The following LRRC28 variants were observed in gnomAD, a reference collection of about 807,000 sequenced individuals.
The protein encoded by LRRC28 is leucine-rich repeat-containing protein 28.
Under a neutral mutation model 45.7 loss-of-function variants are expected in LRRC28, and 39 were observed. The observed-to-expected ratio is 0.85, with a 90% CI of 0.66 to 1.12. LRRC28 has a LOEUF of 1.12. LRRC28 is among the 50% of genes most tolerant of loss of function. The pLI is 0.00. For missense variants in LRRC28, 435 were observed against 438.5 expected (o/e 0.99, Z 0.07); for synonymous variants, 206 against 178.8 (o/e 1.15, Z -1.22).
At chr15:99,277,376 C>G (rs188014496) in intron 3 of LRRC28, among the ~76,000 whole-genome samples, 12 of 152,006 alleles carry the variant, frequency 7.9e-5, no homozygotes, top group East Asian at 3.9e-4. Flanking sequence ...ACCCGTAAAC[C>G]CTTCACCTAA....
intron 2 of LRRC28, among the ~76,000 whole-genome samples, chr15:99,271,905 T>C (rs2081491706): frequency 6.6e-6 from 1 of 152,204 alleles, no homozygotes; most frequent in South Asian, 2.1e-4. Flanking sequence ...GGCCAGTGTA[T>C]CTATTTTTCT....
At chr15:99,293,884 T>C (rs1242953938) in intron 5 of LRRC28, among the ~76,000 whole-genome samples, 3 of 152,116 alleles carry the variant, frequency 2.0e-5, no homozygotes, top group African/African-American at 7.2e-5. Flanking sequence ...GGCAGTGAAC[T>C]ATCTCAGTTT....
At position 99,361,456 on chromosome 15, in the gene LRRC28, T is replaced by C. The variant is rs747317476; in HGVS notation, c.816T>C (p.Pro272=). The C allele has an allele frequency of 2.5e-6, 4 of 1,613,696 alleles. No individual in the cohort carries two copies. In the East Asian group the frequency reaches 8.9e-5, roughly 36 times the overall value. ...AIGTEHDHVL[P]LQELAMRGLY... ...GGACGGAGCATGATCACGTCCTCCC[T>C]CTGCAGGAATTGGCTATGAGAGGGC... Residue 272 remains proline (P), a synonymous_variant, in exon 8 of 10, where the codon CCT becomes CCC. Transcript: ENST00000301981.
At chr15:99,301,298 A>G (rs74033458) in intron 5 of LRRC28, among the ~76,000 whole-genome samples, 2 of 152,168 alleles carry the variant, frequency 1.3e-5, no homozygotes, top group Non-Finnish European at 2.9e-5. Flanking sequence ...TTTTCTTTTG[A>G]GACTCTTAAT....
chr15:99,275,435 C>T (rs1361868517), intron 2 of LRRC28, among the ~76,000 whole-genome samples: 1 of 152,208 alleles, frequency 6.6e-6, no homozygotes, highest in African/African-American at 2.4e-5. Flanking sequence ...GCTCCAGCTT[C>T]CCCTGTTCAT....
intron 6 of LRRC28, among the ~76,000 whole-genome samples, chr15:99,338,895 G>A (rs938304887): frequency 2.6e-5 from 4 of 152,232 alleles, no homozygotes; most frequent in Admixed American, 1.3e-4. Flanking sequence ...AAGATGCACC[G>A]GAAGAAAAGG....
At chr15:99,378,178 T>A (rs1957702594) in intron 9 of LRRC28, among the ~76,000 whole-genome samples, 2 of 152,254 alleles carry the variant, frequency 1.3e-5, no homozygotes, top group East Asian at 3.8e-4. Flanking sequence ...TCCATGAGCA[T>A]GGAATATTCT....
chr15:99,283,085 G>C (rs2081852800), intron 3 of LRRC28, among the ~76,000 whole-genome samples: 1 of 151,736 alleles, frequency 6.6e-6, no homozygotes, highest in South Asian at 2.1e-4. Flanking sequence ...TAGAGACGAG[G>C]TTTCTCCATG....
intron 5 of LRRC28, among the ~76,000 whole-genome samples, chr15:99,316,364 T>C (rs1363796435): frequency 1.3e-5 from 2 of 152,230 alleles, no homozygotes; most frequent in East Asian, 3.8e-4. Flanking sequence ...CTTTTAATTT[T>C]ATTTACTCTA....
At chr15:99,293,056 A>G (rs1357725125) in intron 5 of LRRC28, among the ~76,000 whole-genome samples, 1 of 152,064 alleles carries the variant, frequency 6.6e-6, no homozygotes, top group East Asian at 1.9e-4. Context: ...AGTATGTTTT[A>G]GTGTTCTGCT....
chr15:99,282,479 A>G (rs1305133145), intron 3 of LRRC28, among the ~76,000 whole-genome samples: 1 of 152,212 alleles, frequency 6.6e-6, no homozygotes, highest in Non-Finnish European at 1.5e-5. Flanking sequence ...CAGGCCACAT[A>G]CATAATGGTG....
intron 5 of LRRC28, among the ~76,000 whole-genome samples, chr15:99,323,718 G>C (rs570486385): frequency 9.9e-4 from 151 of 152,210 alleles, no homozygotes; most frequent in African/African-American, 3.5e-3. Context: ...TTTACATTTG[G>C]AATATTTTGT....
Position 99,386,364 on chromosome 15 carries a change from G to A in LRRC28, c.*262G>A. On this transcript the variant is annotated 3_prime_UTR_variant, in exon 10 of 10. Transcript: ENST00000301981. Reference sequence around the variant, plus strand: ...TTTTACAGAAACCATTTAGATTGATGGGCCTCCCCAAATCTAATTTAAAGC... The same window carrying A: ...TTTTACAGAAACCATTTAGATTGATAGGCCTCCCCAAATCTAATTTAAAGC... 5.4e-6 allele frequency: 2 copies of A among 373,738 alleles called. No homozygotes were observed. Among genetic ancestry groups the A allele is most frequent in the Non-Finnish European group, 9.6e-6 (2 of 208,038 alleles). The allele number at this position is 373,738 out of a possible 1,614,324, so 23.2% of individuals were successfully genotyped here. A position where few individuals can be genotyped will look rare whatever the true frequency, so the allele number is the denominator to read the frequency against.
chr15:99,372,132 G>A (rs952981848), intron 9 of LRRC28, among the ~76,000 whole-genome samples: 1 of 152,108 alleles, frequency 6.6e-6, no homozygotes, highest in Non-Finnish European at 1.5e-5. Context: ...CTTCCTGTAC[G>A]AGTCAAATAT....
chr15:99,302,125 C>T (rs762148183), intron 5 of LRRC28, among the ~76,000 whole-genome samples: 2 of 151,190 alleles, frequency 1.3e-5, no homozygotes, highest in Non-Finnish European at 2.9e-5. Context: ...CTCCCGGGTT[C>T]ACACCATTCT....
At chr15:99,367,609 C>T (rs184317415) in intron 9 of LRRC28, among the ~76,000 whole-genome samples, 1 of 152,232 alleles carries the variant, frequency 6.6e-6, no homozygotes, top group Non-Finnish European at 1.5e-5. Flanking sequence ...TCAACATAAA[C>T]TTTGGAGGGG....
At chr15:99,379,455 C>T (rs1450009484) in intron 9 of LRRC28, among the ~76,000 whole-genome samples, 1 of 151,624 alleles carries the variant, frequency 6.6e-6, no homozygotes, top group Non-Finnish European at 1.5e-5. Context: ...GTCTTGCTAG[C>T]AGTCTATCAA....
chr15:99,293,886 T>G (rs1401206062), intron 5 of LRRC28, among the ~76,000 whole-genome samples: 3 of 152,102 alleles, frequency 2.0e-5, no homozygotes, highest in Non-Finnish European at 1.5e-5. Context: ...CAGTGAACTA[T>G]CTCAGTTTTT....
chr15:99,288,371 CTTTTTTTTTTTT>C (rs67593137), intron 5 of LRRC28, among the ~76,000 whole-genome samples: 3 of 82,894 alleles, frequency 3.6e-5, no homozygotes, highest in East Asian at 2.9e-4. Flanking sequence ...TGTACATTAA[CTTTTTTTTTTTT>C]TTTTTTTTTT....
Sources: allele counts gnomAD v4.1 joint callset (sites outside exome capture counted in the v4.1 genomes callset), GRCh38; gene constraint gnomAD v4.1.1; transcripts MANE v1.5; gene names NCBI Gene and HGNC (gene_info 2026-07-23, HGNC 2026-07-21).